ADGRB1: variants seen among roughly 807,000 people sequenced by gnomAD.
ADGRB1 encodes adhesion G protein-coupled receptor B1.
ADGRB1 carries 36 observed loss-of-function variants against 175.7 expected under a neutral mutation model. The observed-to-expected ratio is 0.20, with a 90% CI of 0.16 to 0.27. ADGRB1 has a LOEUF of 0.27. Ranked by LOEUF, ADGRB1 falls within the 10% of genes least tolerant of loss-of-function variation. The probability of loss-of-function intolerance (pLI) is 1.00; values close to 1 mark genes in which losing one functional copy is unlikely to be tolerated. For missense variants in ADGRB1, 1,731 were observed against 2,255.3 expected (o/e 0.77, Z 4.71); for synonymous variants, 1,054 against 979.4 (o/e 1.08, Z -1.42).
intron 1 of ADGRB1, among the ~76,000 whole-genome samples, chr8:142,451,828 CA>C (rs1839368642): frequency 1.3e-5 from 2 of 152,160 alleles, no homozygotes; most frequent in African/African-American, 4.8e-5. Flanking sequence ...TCATGCCTTC[CA>C]CTCGTCTGCG....
chr8:142,468,072 G>GC (rs959800431), intron 2 of ADGRB1, among the ~76,000 whole-genome samples: 2 of 152,220 alleles, frequency 1.3e-5, no homozygotes, highest in African/African-American at 4.8e-5. Context: ...ATGCATTCAT[G>GC]CAAGTGTGTT....
chr8:142,515,597 C>T (rs570172786), intron 18 of ADGRB1, among the ~76,000 whole-genome samples: 3 of 152,356 alleles, frequency 2.0e-5, no homozygotes, highest in African/African-American at 4.8e-5. Context: ...GGCCTCAGGC[C>T]AGCCCAGTGT....
intron 1 of ADGRB1, among the ~76,000 whole-genome samples, chr8:142,461,451 C>T (rs1839965217): frequency 1.3e-5 from 2 of 152,236 alleles, no homozygotes; most frequent in African/African-American, 2.4e-5. Context: ...CCAGCCGCGT[C>T]GTGGCCAGCT....
intron 20 of ADGRB1, among the ~76,000 whole-genome samples, chr8:142,521,221 G>C (rs1056603242): frequency 6.6e-6 from 1 of 152,272 alleles, no homozygotes; most frequent in South Asian, 2.1e-4. Context: ...CAGTGGACTC[G>C]GCCTCAGCTC....
chr8:142,533,273 C>T lies in ADGRB1; in HGVS notation c.3399-22C>T, dbSNP rs369086942. Reference sequence around the variant, plus strand: ...CTGGGGGCAGGGGCGGGGGCGGCAGCGCTGACACCCTCCATCCCCAGGGCC... The same window carrying T: ...CTGGGGGCAGGGGCGGGGGCGGCAGTGCTGACACCCTCCATCCCCAGGGCC... On this transcript the variant is annotated intron_variant, in intron 24 of 30. Transcript: ENST00000517894. The T allele has an allele frequency of 7.4e-4, 1,101 of 1,488,872 alleles. 1 individual carries two copies. The highest frequency in any genetic ancestry group is 9.5e-4 in the Non-Finnish European group (1,063 of 1,116,516). 92.2% of individuals were successfully genotyped at this position (1,488,872 alleles called of 1,614,324 possible). A position where few individuals can be genotyped will look rare whatever the true frequency, so the allele number is the denominator to read the frequency against.
rs191361157 is a variant in ADGRB1 at position 142,478,723 on chromosome 8, G to A, written c.1561+363G>A. Among the ~76,000 whole-genome samples the A allele has an allele frequency of 9.1e-4, 128 of 141,140 alleles. 3 individuals carry two copies. Among genetic ancestry groups the A allele is most frequent in the African/African-American group, 3.1e-3 (115 of 37,332 alleles). 92.6% of individuals were successfully genotyped at this position (141,140 alleles called of 152,430 possible). A position where few individuals can be genotyped will look rare whatever the true frequency, so the allele number is the denominator to read the frequency against. The stretch of plus-strand genomic sequence containing the variant: ...TTGGGGTGTTTCTGGGGGAAGTTGA[G>A]TGTGGCCATGGGGTAGCGGGGTGCA... On this transcript the variant is annotated intron_variant, in intron 7 of 30. Coordinates refer to ENST00000517894, the MANE Select transcript of ADGRB1 (RefSeq NM_001702.3).
At chr8:142,453,695 C>T (rs1444004022) in intron 1 of ADGRB1, among the ~76,000 whole-genome samples, 2 of 152,116 alleles carry the variant, frequency 1.3e-5, no homozygotes, top group Non-Finnish European at 2.9e-5. Context: ...AGGGGGAGGG[C>T]GTGGTCCTGT....
chr8:142,534,574 A>T (rs755352497), intron 25 of ADGRB1, among the ~76,000 whole-genome samples: 69 of 152,308 alleles, frequency 4.5e-4, no homozygotes, highest in Non-Finnish European at 4.0e-4. Context: ...AGACAAGAGG[A>T]GGAAGAGCCA....
rs775513037 is a variant in ADGRB1, at chr8:142,464,516, C to T, written c.318C>T (p.Ser106=). The T allele has an allele frequency of 3.2e-5, 51 of 1,577,752 alleles. No homozygotes were observed. Among genetic ancestry groups the T allele is most frequent in the Middle Eastern group, 1.7e-4 (1 of 6,028 alleles). Residue 106 remains serine (S), a synonymous_variant, in exon 2 of 31, where the codon TCC becomes TCT. Coordinates refer to ENST00000517894, the MANE Select transcript of ADGRB1 (RefSeq NM_001702.3). ...PGRVRTYQFD[S]FLESTRTYLG... is the part of the protein sequence containing the mutation. The stretch of plus-strand genomic sequence containing the variant: ...GCGTGCGCACCTACCAGTTCGACTC[C>T]TTCCTCGAGTCCACGCGCACCTACC...
At position 142,484,720 on chromosome 8, in the gene ADGRB1, G is replaced by A. The variant is rs371439495; in HGVS notation, c.2264G>A (p.Arg755His). 9.9e-6 allele frequency: 16 copies of A among 1,611,490 alleles called. No homozygotes were observed. Among genetic ancestry groups the A allele is most frequent in the East Asian group, 2.2e-5 (1 of 44,810 alleles). Residue 755 changes from arginine to histidine, a missense_variant, in exon 13 of 31, where the codon CGC (arginine) becomes CAC (histidine). This residue lies in a region of ADGRB1 where 388 missense variants were observed against 630.9 expected (regional missense o/e 0.61). Coordinates refer to ENST00000517894, the MANE Select transcript of ADGRB1 (RefSeq NM_001702.3). ...VEDFVDVIGF[R>H]MKDLRDAYQV... ...GACTTTGTGGACGTCATCGGCTTCCGCATGAAGGACCTGAGGGATGCATAC... is the reference window on the plus strand; with the variant it reads ...GACTTTGTGGACGTCATCGGCTTCCACATGAAGGACCTGAGGGATGCATAC...
At chr8:142,456,306 ACT>A (rs1327189147) in intron 1 of ADGRB1, among the ~76,000 whole-genome samples, 11 of 151,898 alleles carry the variant, frequency 7.2e-5, no homozygotes, top group Non-Finnish European at 1.2e-4. Context: ...CTGGCAACTC[ACT>A]CTGTGCGCAC....
In ADGRB1 at chr8:142,511,852, G is replaced by A. The variant is rs753778733; in HGVS notation, c.2817+779G>A. 1.3e-5 allele frequency among the ~76,000 whole-genome samples: 2 copies of A among 152,244 alleles called. No individual in the cohort carries two copies. The highest frequency in any genetic ancestry group is 2.9e-5 in the Non-Finnish European group (2 of 68,040). On this transcript the variant is annotated intron_variant, in intron 18 of 30. Coordinates refer to ENST00000517894, the MANE Select transcript of ADGRB1 (RefSeq NM_001702.3). This position sits in a 1 kb window ranked among gnomAD's most constrained non-coding sequence, Gnocchi z 4.5. ...CACAGAGCAGGAAAGGGCCTTGGGC[G>A]TGTGCTCACCAAGTAACCTCCGCCC...
chr8:142,521,032 G>A (rs987180771), intron 20 of ADGRB1, 107 bp downstream of exon 20: 14 of 1,104,422 alleles, frequency 1.3e-5, no homozygotes, highest in Middle Eastern at 2.1e-4. Context: ...TCAGGCAGGC[G>A]GGTGTGGGGG....
At chr8:142,505,090 G>A (rs568618507) in intron 17 of ADGRB1, among the ~76,000 whole-genome samples, 3 of 152,216 alleles carry the variant, frequency 2.0e-5, no homozygotes, top group South Asian at 2.1e-4. Context: ...CTCTTAGAGC[G>A]CCCTCCCCGT....
chr8:142,479,507 G>A lies in ADGRB1; in HGVS notation c.1726+20G>A. On this transcript the variant is annotated intron_variant, in intron 8 of 30. Transcript: ENST00000517894. Reference sequence around the variant, plus strand: ...GTCCCGGTGAGGCCCCTCCTACCTGGGCTGGGCTCTGGGGAGGGCTGATGG... The same window carrying A: ...GTCCCGGTGAGGCCCCTCCTACCTGAGCTGGGCTCTGGGGAGGGCTGATGG... The A allele has an allele frequency of 1.3e-6, 2 of 1,529,246 alleles. 1 individual carries two copies. The highest frequency in any genetic ancestry group is 2.5e-5 in the South Asian group (2 of 81,238). 94.7% of individuals were successfully genotyped at this position (1,529,246 alleles called of 1,614,324 possible). A position where few individuals can be genotyped will look rare whatever the true frequency, so the allele number is the denominator to read the frequency against.
intron 13 of ADGRB1, among the ~76,000 whole-genome samples, chr8:142,485,161 T>C (rs1288654480): frequency 6.6e-6 from 1 of 152,192 alleles, no homozygotes; most frequent in Non-Finnish European, 1.5e-5. Context: ...TCCACCCAGC[T>C]CCGTGGTGTC....
intron 2 of ADGRB1, among the ~76,000 whole-genome samples, chr8:142,469,970 C>T (rs1051301439): frequency 7.2e-5 from 11 of 152,308 alleles, no homozygotes; most frequent in Non-Finnish European, 1.2e-4. Flanking sequence ...CTTGTCCATC[C>T]GTCCATGTCC....
intron 17 of ADGRB1, among the ~76,000 whole-genome samples, chr8:142,496,559 G>A (rs1174872335): frequency 6.6e-6 from 1 of 152,190 alleles, no homozygotes; most frequent in African/African-American, 2.4e-5. Flanking sequence ...AGCTCCCTGG[G>A]TGTTTTACAC....
rs2131678401 is a variant in ADGRB1, at chr8:142,464,723, G to C, written c.525G>C (p.Val175=). The C allele has an allele frequency of 6.5e-7, 1 of 1,533,972 alleles. No individual in the cohort carries two copies. The highest frequency in any genetic ancestry group is 8.7e-7 in the Non-Finnish European group (1 of 1,145,552). Residue 175 remains valine (V), a synonymous_variant, in exon 2 of 31, where the codon GTG becomes GTC. Transcript: ENST00000517894. ...ACGACTTCTCCGTGGAGTACCTGGT[G>C]GTGGGGAACCGCAACCCCAGCCGTG... The part of the protein sequence containing the change: ...PTDDFSVEYL[V]VGNRNPSRAA...
Sources: allele counts gnomAD v4.1 joint callset (sites outside exome capture counted in the v4.1 genomes callset), GRCh38; gene constraint gnomAD v4.1.1; regional missense constraint gnomAD v4.1.1; non-coding constraint Gnocchi (gnomAD v3.1); transcripts MANE v1.5; gene names NCBI Gene and HGNC (gene_info 2026-07-23, HGNC 2026-07-21).